The following PPIG variants were observed in gnomAD, a reference collection of about 807,000 sequenced individuals.
PPIG encodes peptidyl-prolyl cis-trans isomerase G.
In PPIG, 26 loss-of-function variants were observed where a neutral mutation model predicts 87.9. That is an observed-to-expected ratio of 0.30 (90% confidence interval 0.22 to 0.41). The LOEUF is 0.41. PPIG is among the 10% of genes least tolerant of loss of function. PPIG has a pLI of 1.00. For missense variants in PPIG, 722 were observed against 879.4 expected (o/e 0.82, Z 2.26); for synonymous variants, 308 against 276.5 (o/e 1.11, Z -1.13).
At chr2:169,591,855 T>C (rs1421595363) in intron 1 of PPIG, among the ~76,000 whole-genome samples, 1 of 150,020 alleles carries the variant, frequency 6.7e-6, no homozygotes. Flanking sequence ...AGCAAACAAA[T>C]CACCCACAGA....
intron 1 of PPIG, among the ~76,000 whole-genome samples, chr2:169,585,738 T>C (rs757965773): frequency 4.6e-5 from 7 of 152,190 alleles, no homozygotes; most frequent in Non-Finnish European, 8.8e-5. Flanking sequence ...AAGTATTTGC[T>C]TTTATAGTTT....
chr2:169,614,145 T>C (rs1445322268), intron 7 of PPIG, among the ~76,000 whole-genome samples: 1 of 152,224 alleles, frequency 6.6e-6, no homozygotes, highest in African/African-American at 2.4e-5. Flanking sequence ...ATTATGACTA[T>C]TCAGTAAGAA....
At chr2:169,596,793 G>A (rs1685030134) in intron 1 of PPIG, among the ~76,000 whole-genome samples, 1 of 152,076 alleles carries the variant, frequency 6.6e-6, no homozygotes, top group African/African-American at 2.4e-5. Context: ...TCTGCTTCCC[G>A]GGTTTAAGCG....
chr2:169,598,843 G>GTATATAAATACAGGTAATATATT (rs1685097076), intron 1 of PPIG, among the ~76,000 whole-genome samples: 1 of 110,422 alleles, frequency 9.1e-6, no homozygotes, highest in African/African-American at 3.8e-5. Flanking sequence ...ATATTTATAT[G>GTATATAAATACAGGTAATATATT]TATATAAATA....
At chr2:169,599,135 AAT>A (rs1272030259) in intron 1 of PPIG, among the ~76,000 whole-genome samples, 1 of 152,106 alleles carries the variant, frequency 6.6e-6, no homozygotes, top group African/African-American at 2.4e-5. Context: ...TTTGTTGTCA[AAT>A]TGGCAATCAA....
At chr2:169,611,087 A>G (rs960798616) in intron 7 of PPIG, among the ~76,000 whole-genome samples, 10 of 152,156 alleles carry the variant, frequency 6.6e-5, no homozygotes, top group Admixed American at 5.2e-4. Context: ...GGGCGCATGT[A>G]ATCCCAGCCA....
chr2:169,626,121 A>T (rs897146527), intron 9 of PPIG, among the ~76,000 whole-genome samples: 1 of 152,214 alleles, frequency 6.6e-6, no homozygotes, highest in South Asian at 2.1e-4. Context: ...GTTAAATAAT[A>T]CTTGTGACTT....
chr2:169,592,902 A>G (rs1464013179), intron 1 of PPIG, among the ~76,000 whole-genome samples: 3 of 152,172 alleles, frequency 2.0e-5, no homozygotes, highest in Non-Finnish European at 4.4e-5. Flanking sequence ...ATTGTTTTTC[A>G]TTAGCTGCTA....
chr2:169,597,926 A>C (rs1428841540), intron 1 of PPIG, among the ~76,000 whole-genome samples: 1 of 151,490 alleles, frequency 6.6e-6, no homozygotes, highest in Non-Finnish European at 1.5e-5. Flanking sequence ...TATGTTTCCC[A>C]GCCTGGTGTT....
intron 10 of PPIG, chr2:169,631,515 A>AT: frequency 8.6e-7 from 1 of 1,161,890 alleles, no homozygotes; most frequent in Non-Finnish European, 1.1e-6. Flanking sequence ...ATAGTTTCAT[A>AT]TTTTTTATCC....
chr2:169,589,715 G>T (rs1003060557), intron 1 of PPIG, among the ~76,000 whole-genome samples: 5 of 152,088 alleles, frequency 3.3e-5, no homozygotes, highest in East Asian at 1.9e-4. Context: ...TAGGGAATGG[G>T]TTCTGTTTCA....
intron 1 of PPIG, among the ~76,000 whole-genome samples, chr2:169,590,075 C>G (rs920374860): frequency 1.3e-4 from 19 of 151,176 alleles, no homozygotes; most frequent in Admixed American, 4.6e-4. Context: ...CACCATTGCA[C>G]TCCAGCCTGG....
chr2:169,595,325 A>C (rs1260586716), intron 1 of PPIG, among the ~76,000 whole-genome samples: 1 of 152,236 alleles, frequency 6.6e-6, no homozygotes, highest in Non-Finnish European at 1.5e-5. Flanking sequence ...TACGTGAGAT[A>C]TTTTGATACA....
chr2:169,631,985 T>C (rs753901201), intron 11 of PPIG, 52 bp downstream of exon 11: 3 of 1,372,208 alleles, frequency 2.2e-6, no homozygotes, highest in Non-Finnish European at 2.9e-6. Flanking sequence ...GAACTTTTCT[T>C]TTTAAAAAGT....
intron 9 of PPIG, among the ~76,000 whole-genome samples, chr2:169,627,704 C>CTTTTTTTTTTTTT (rs777197172): frequency 2.5e-4 from 25 of 101,896 alleles, no homozygotes; most frequent in African/African-American, 8.9e-4. Flanking sequence ...AGTGGGCTTG[C>CTTTTTTTTTTTTT]TTTTTTTTTT....
chr2:169,598,040 G>A (rs964798441), intron 1 of PPIG, among the ~76,000 whole-genome samples: 22 of 147,224 alleles, frequency 1.5e-4, no homozygotes, highest in Admixed American at 8.3e-4. Context: ...CCACTCTGTC[G>A]CCCAATCTGG....
intron 10 of PPIG, 176 bp from the exon 11 acceptor site, chr2:169,631,590 A>G: frequency 9.5e-6 from 13 of 1,369,782 alleles, no homozygotes; most frequent in Non-Finnish European, 1.2e-5. Flanking sequence ...TTGTTTTTTG[A>G]TTGGTTAGTT....
chr2:169,629,522 T>C (rs1325233452), intron 9 of PPIG, among the ~76,000 whole-genome samples: 3 of 152,224 alleles, frequency 2.0e-5, no homozygotes, highest in Non-Finnish European at 4.4e-5. Context: ...CCATCTTGTT[T>C]TATGTTTCCT....
chr2:169,585,378 C>T (rs1684672723), intron 1 of PPIG, among the ~76,000 whole-genome samples: 2 of 148,970 alleles, frequency 1.3e-5, no homozygotes, highest in Admixed American at 1.4e-4. Flanking sequence ...TCTTCTGCCT[C>T]AGCCTCCCAA....
Sources: gnomAD v4.1 joint callset for allele counts (sites outside exome capture counted in the v4.1 genomes callset) on GRCh38, gnomAD v4.1.1 for gene constraint, MANE v1.5 for transcripts, NCBI Gene and HGNC (gene_info 2026-07-23, HGNC 2026-07-21) for gene names.